Variants in SYT1 observed in about 807,000 individuals in gnomAD.
The protein encoded by SYT1 is synaptotagmin-1.
In SYT1, 8 loss-of-function variants were observed where a neutral mutation model predicts 44.8. The observed-to-expected ratio is 0.18, with a 90% CI of 0.10 to 0.32. The LOEUF (loss-of-function observed/expected upper bound fraction) is 0.32. Among genes scored for constraint, SYT1 ranks in the 10% least tolerant of loss-of-function variants. The probability of loss-of-function intolerance (pLI) is 1.00; values close to 1 mark genes in which losing one functional copy is unlikely to be tolerated. For synonymous variants in SYT1, 154 were observed against 188.8 expected, an observed-to-expected ratio of 0.82 and a Z score of 1.51; for missense variants, 286 against 509.3, an observed-to-expected ratio of 0.56 and a Z score of 4.22.
chr12:79,449,488 T>TAAGA lies in SYT1; in HGVS notation c.*365_*368dup, dbSNP rs1870923868. ...TCTGTGTATATCTAGATGTTTTTAATAAGATGTTCTATTTTAAACTATGTA... is the reference window on the plus strand; with the variant it reads ...TCTGTGTATATCTAGATGTTTTTAATAAGAAAGATGTTCTATTTTAAACTATGTA... On this transcript the variant is annotated 3_prime_UTR_variant, in exon 11 of 11. Coordinates refer to ENST00000261205, the MANE Select transcript of SYT1 (RefSeq NM_005639.3). 5.0e-6 allele frequency: 1 copy of TAAGA among 198,942 alleles called. No homozygotes were observed. The highest frequency in any genetic ancestry group is 1.0e-5 in the Non-Finnish European group (1 of 96,726). 12.3% of individuals were successfully genotyped at this position (198,942 alleles called of 1,614,324 possible). A position where few individuals can be genotyped will look rare whatever the true frequency, so the allele number is the denominator to read the frequency against.
chr12:79,071,117 C>A (rs1876243358), intron 3 of SYT1, among the ~76,000 whole-genome samples: 1 of 151,948 alleles, frequency 6.6e-6, no homozygotes, highest in Non-Finnish European at 1.5e-5. Context: ...GAGCCTCATC[C>A]TTTTCAAAAA....
rs374761741 is a variant in SYT1, at chr12:79,249,649, G to A, written c.166+31964G>A. On this transcript the variant is annotated intron_variant, in intron 4 of 10. Coordinates refer to ENST00000261205, the MANE Select transcript of SYT1 (RefSeq NM_005639.3). ...CCTGCAGGAAGGATGTAGAAACAAG[G>A]GTCTTGTCATTTGCAGATAACCAAG... Among the ~76,000 whole-genome samples the A allele has an allele frequency of 6.6e-5, 10 of 152,272 alleles. No individual in the cohort carries two copies. The South Asian group carries it at 1.2e-3, about 19-fold the overall frequency.
chr12:78,968,181 G>T (rs746372797), intron 1 of SYT1, among the ~76,000 whole-genome samples: 1 of 152,110 alleles, frequency 6.6e-6, no homozygotes, highest in African/African-American at 2.4e-5. Flanking sequence ...TCAGTATGGA[G>T]AAAATTGAAC....
chr12:79,094,299 A>G (rs190975163), intron 3 of SYT1, among the ~76,000 whole-genome samples: 1 of 151,904 alleles, frequency 6.6e-6, no homozygotes, highest in Admixed American at 6.6e-5. Flanking sequence ...AACAGCATTA[A>G]GCTAGTCCTA....
intron 9 of SYT1, among the ~76,000 whole-genome samples, chr12:79,443,585 G>A (rs1383542796): frequency 6.6e-6 from 1 of 152,232 alleles, no homozygotes; most frequent in Non-Finnish European, 1.5e-5. Context: ...TATTGATGGA[G>A]TAAATGAATA....
At chr12:78,965,181 T>C (rs1316707563) in intron 1 of SYT1, among the ~76,000 whole-genome samples, 1 of 152,182 alleles carries the variant, frequency 6.6e-6, no homozygotes, top group Admixed American at 6.5e-5. Flanking sequence ...TTCCTCACCA[T>C]ATTGGAAATC....
chr12:78,895,447 A>G (rs1473683640), intron 1 of SYT1, among the ~76,000 whole-genome samples: 1 of 151,780 alleles, frequency 6.6e-6, no homozygotes, highest in Non-Finnish European at 1.5e-5. Context: ...AAAGAAAAAC[A>G]CATTTGGTAG....
chr12:79,156,621 C>A (rs555412587), intron 3 of SYT1, among the ~76,000 whole-genome samples: 194 of 152,148 alleles, frequency 1.3e-3, no homozygotes, highest in Non-Finnish European at 2.5e-3. Flanking sequence ...GCACATGCCA[C>A]CATGCCTGGC....
At chr12:78,951,873 C>G (rs934587425) in intron 1 of SYT1, among the ~76,000 whole-genome samples, 1 of 152,110 alleles carries the variant, frequency 6.6e-6, no homozygotes, top group African/African-American at 2.4e-5. Flanking sequence ...TCATTCAGGG[C>G]ATCTCTGGCG....
At chr12:79,164,883 C>T (rs1871147090) in intron 3 of SYT1, among the ~76,000 whole-genome samples, 1 of 151,950 alleles carries the variant, frequency 6.6e-6, no homozygotes, top group Admixed American at 6.6e-5. Flanking sequence ...GGAGATTTAT[C>T]CCTGTAGTTT....
chr12:79,433,097 A>T (rs1226649419), intron 9 of SYT1, among the ~76,000 whole-genome samples: 1 of 152,246 alleles, frequency 6.6e-6, no homozygotes, highest in Non-Finnish European at 1.5e-5. Flanking sequence ...TCCCTCAGTT[A>T]TCCTAAGATT....
chr12:78,952,743 T>C (rs1000833723), intron 1 of SYT1, among the ~76,000 whole-genome samples: 1 of 152,144 alleles, frequency 6.6e-6, no homozygotes, highest in Admixed American at 6.6e-5. Flanking sequence ...TCTGGTCTTC[T>C]AAATGGCCAC....
intron 2 of SYT1, among the ~76,000 whole-genome samples, chr12:79,033,616 G>A (rs1038921588): frequency 6.6e-6 from 1 of 151,174 alleles, no homozygotes; most frequent in Non-Finnish European, 1.5e-5. Flanking sequence ...CATTGAAGGG[G>A]GATCTAGAGT....
chr12:79,274,062 G>A lies in SYT1; in HGVS notation c.167-11725G>A, dbSNP rs139928589. ...TGGTGCCACTGCACTCCAGCCTGGC[G>A]ACAAAGCAAGACTCCGTCTGAAAAA... On this transcript the variant is annotated intron_variant, in intron 4 of 10. Transcript: ENST00000261205. Among the ~76,000 whole-genome samples the A allele has an allele frequency of 6.0e-3, 908 of 152,274 alleles. 4 individuals carry two copies. The highest frequency in any genetic ancestry group is 0.024 in the Middle Eastern group (7 of 294).
At position 79,217,567 on chromosome 12, in the gene SYT1, C is replaced by A. The variant is rs1874886511; in HGVS notation, c.48C>A (p.Thr16=). 6.2e-7 allele frequency: 1 copy of A among 1,612,052 alleles called. No individual in the cohort carries two copies. Among genetic ancestry groups the A allele is most frequent in the African/African-American group, 1.3e-5 (1 of 74,730 alleles). Residue 16 remains threonine, a synonymous_variant, in exon 4 of 11, where the codon ACC becomes ACA. Transcript: ENST00000261205. ...HHEALAAPPV[T]TVATVLPSNA... Reference sequence around the variant, plus strand: ...AGGCCCTGGCAGCCCCGCCTGTCACCACTGTCGCGACTGTTCTGCCAAGCA... The same window carrying A: ...AGGCCCTGGCAGCCCCGCCTGTCACAACTGTCGCGACTGTTCTGCCAAGCA...
At chr12:78,976,441 C>T (rs1195741881) in intron 1 of SYT1, among the ~76,000 whole-genome samples, 1 of 152,174 alleles carries the variant, frequency 6.6e-6, no homozygotes, top group Admixed American at 6.5e-5. Context: ...TTTTCCCAAA[C>T]CCTGTAAATT....
chr12:79,206,111 A>T (rs960932252), intron 3 of SYT1, among the ~76,000 whole-genome samples: 1 of 152,182 alleles, frequency 6.6e-6, no homozygotes, highest in Non-Finnish European at 1.5e-5. Context: ...ATTTAGACAG[A>T]TTTCATTTTG....
At chr12:79,175,350 A>C (rs1198705156) in intron 3 of SYT1, among the ~76,000 whole-genome samples, 29 of 152,038 alleles carry the variant, frequency 1.9e-4, no homozygotes, top group Admixed American at 1.9e-3. Context: ...TGTAATAAAT[A>C]CTTTTGACTT....
intron 3 of SYT1, among the ~76,000 whole-genome samples, chr12:79,168,022 G>T (rs765977322): frequency 3.3e-5 from 5 of 152,074 alleles, no homozygotes; most frequent in South Asian, 2.1e-4. Flanking sequence ...AGGCAGTAAT[G>T]CTCATTCTCC....
Sources: gnomAD v4.1 joint callset for allele counts (sites outside exome capture counted in the v4.1 genomes callset) on GRCh38, gnomAD v4.1.1 for gene constraint, MANE v1.5 for transcripts, NCBI Gene and HGNC (gene_info 2026-07-23, HGNC 2026-07-21) for gene names.